Variants in DIP2C observed in about 807,000 individuals in gnomAD.
DIP2C encodes disco-interacting protein 2 homolog C.
A neutral mutation model predicts 192.4 loss-of-function variants in DIP2C; 33 were observed. That is an observed-to-expected ratio of 0.17 (90% CI 0.13 to 0.23). DIP2C has a LOEUF of 0.23. Among genes scored for constraint, DIP2C ranks in the 10% least tolerant of loss-of-function variants. The probability of loss-of-function intolerance (pLI) is 1.00; values close to 1 mark genes in which losing one functional copy is unlikely to be tolerated. For synonymous variants in DIP2C, 979 were observed against 864.1 expected (o/e 1.13, Z -2.33); for missense variants, 1,537 against 2,110.1 (o/e 0.73, Z 5.32).
At chr10:284,724 A>G (rs2132157560) in intron 34 of DIP2C, among the ~76,000 whole-genome samples, 1 of 152,342 alleles carries the variant, frequency 6.6e-6, no homozygotes, top group Non-Finnish European at 1.5e-5. Context: ...TGATAACAGA[A>G]TAGATCCTAA....
chr10:486,263 T>C (rs765086268), intron 2 of DIP2C, among the ~76,000 whole-genome samples, 196 bp downstream of exon 2: 8 of 152,260 alleles, frequency 5.3e-5, no homozygotes, highest in Non-Finnish European at 7.3e-5. Flanking sequence ...GGCACACTTA[T>C]AGAAAAATCC....
chr10:433,426 C>A (rs1966920082), intron 4 of DIP2C, among the ~76,000 whole-genome samples: 1 of 152,094 alleles, frequency 6.6e-6, no homozygotes, highest in Non-Finnish European at 1.5e-5. Flanking sequence ...CCTGTAATCC[C>A]AGCACTTTAG....
At chr10:418,720 C>T (rs1346428136) in intron 6 of DIP2C, among the ~76,000 whole-genome samples, 1 of 152,260 alleles carries the variant, frequency 6.6e-6, no homozygotes, top group Non-Finnish European at 1.5e-5. Flanking sequence ...TTCTAAGTGA[C>T]TGTTCATGGT....
intron 13 of DIP2C, among the ~76,000 whole-genome samples, chr10:388,780 G>A (rs925204971): frequency 3.3e-5 from 5 of 152,240 alleles, no homozygotes; most frequent in Admixed American, 6.5e-5. Flanking sequence ...ACAGCGGAGC[G>A]GCAGATGCCA....
At chr10:685,736 C>T (rs953347294) in intron 1 of DIP2C, among the ~76,000 whole-genome samples, 10 of 151,866 alleles carry the variant, frequency 6.6e-5, no homozygotes, top group African/African-American at 1.5e-4. Flanking sequence ...TCGAGGCGGG[C>T]GGATCACCTG....
rs567591059 is a variant in DIP2C, at chr10:362,735, T to A, written c.2593-44A>T. The stretch of plus-strand genomic sequence containing the variant: ...GGAAATCATGTTATAAGAGGAAGTA[T>A]AAACAGTACGTATTTATATTATGCA... On this transcript the variant is annotated intron_variant, in intron 21 of 36. Coordinates refer to ENST00000280886, the MANE Select transcript of DIP2C (RefSeq NM_014974.3). 36 of 1,558,098 alleles carry A rather than the reference T, an allele frequency of 2.3e-5. No individual in the cohort carries two copies. The African/African-American group carries it at 4.9e-4, about 21-fold the overall frequency.
chr10:283,265 C>T lies in DIP2C; in HGVS notation c.4294+7G>A. The T allele has an allele frequency of 6.2e-7, 1 of 1,613,112 alleles. No homozygotes were observed. Among genetic ancestry groups the T allele is most frequent in the Non-Finnish European group, 8.5e-7 (1 of 1,179,510 alleles). On this transcript the variant is annotated splice_region_variant and intron_variant, in intron 35 of 36. Coordinates refer to ENST00000280886, the MANE Select transcript of DIP2C (RefSeq NM_014974.3). ...GTTGGGGGGGGGCCGCCAGCCTGGA[C>T]TCTCACCTCCATTTGCATCTGTGAG...
At chr10:422,774 C>G in intron 5 of DIP2C, 50 bp downstream of exon 5, 2 of 1,572,938 alleles carry the variant, frequency 1.3e-6, no homozygotes, top group Non-Finnish European at 1.7e-6. Context: ...TGTGCACACA[C>G]AAAGGCGTTT....
chr10:565,354 T>TTAAAAAAA (rs1554737793), intron 1 of DIP2C, among the ~76,000 whole-genome samples: 5 of 114,136 alleles, frequency 4.4e-5, no homozygotes, highest in African/African-American at 1.9e-4. Flanking sequence ...ACCTGCATTC[T>TTAAAAAAA]AAAAAAAAAA....
chr10:512,541 C>T (rs1564807045), intron 1 of DIP2C, among the ~76,000 whole-genome samples: 1 of 152,092 alleles, frequency 6.6e-6, no homozygotes, highest in Non-Finnish European at 1.5e-5. Context: ...CCAAGATTTG[C>T]GTTGCTGCAC....
At chr10:434,461 C>A (rs1055821192) in intron 4 of DIP2C, among the ~76,000 whole-genome samples, 2 of 152,232 alleles carry the variant, frequency 1.3e-5, no homozygotes, top group Middle Eastern at 3.4e-3. Context: ...TTTTAAGAGA[C>A]AGAGTCTCAC....
At chr10:442,165 T>C (rs1967792944) in intron 3 of DIP2C, among the ~76,000 whole-genome samples, 1 of 152,078 alleles carries the variant, frequency 6.6e-6, no homozygotes, top group Admixed American at 6.6e-5. Context: ...TGAAGACGGG[T>C]TGGGGGAAAG....
chr10:378,892 C>T (rs1390999017), intron 17 of DIP2C, among the ~76,000 whole-genome samples: 2 of 152,226 alleles, frequency 1.3e-5, no homozygotes, highest in Admixed American at 6.5e-5. Context: ...TGAACACAGA[C>T]ATGCATAAAG....
At position 636,547 on chromosome 10, in the gene DIP2C, G is replaced by A. The variant is rs1451834679; in HGVS notation, c.85+52947C>T. 1.3e-5 allele frequency among the ~76,000 whole-genome samples: 2 copies of A among 152,150 alleles called. No homozygotes were observed. The highest frequency in any genetic ancestry group is 1.5e-5 in the Non-Finnish European group (1 of 68,034). ...TAAGAATAAAGGACCCTCTGCAGCCGCAGAACCATCATCGGCAGACAAGAA... is the reference window on the plus strand; with the variant it reads ...TAAGAATAAAGGACCCTCTGCAGCCACAGAACCATCATCGGCAGACAAGAA... On this transcript the variant is annotated intron_variant, in intron 1 of 36. Coordinates refer to ENST00000280886, the MANE Select transcript of DIP2C (RefSeq NM_014974.3). The surrounding 1 kb of genome is among the most constrained non-coding windows in gnomAD (Gnocchi z 4.6).
chr10:555,975 G>A (rs1588453235), intron 1 of DIP2C, among the ~76,000 whole-genome samples: 1 of 152,148 alleles, frequency 6.6e-6, no homozygotes, highest in Middle Eastern at 3.4e-3. Context: ...TCCTGACCCT[G>A]CCCCCAACAC....
chr10:501,942 T>G (rs1354812002), intron 1 of DIP2C, among the ~76,000 whole-genome samples: 1 of 152,012 alleles, frequency 6.6e-6, no homozygotes, highest in Admixed American at 6.6e-5. Flanking sequence ...CCCAGGAGTC[T>G]AAGACCAGCC....
chr10:684,476 C>T (rs1236020812), intron 1 of DIP2C, among the ~76,000 whole-genome samples: 3 of 152,160 alleles, frequency 2.0e-5, no homozygotes, highest in Non-Finnish European at 2.9e-5. Flanking sequence ...AGCTTTCCCA[C>T]GTTTGTTTTT....
intron 1 of DIP2C, among the ~76,000 whole-genome samples, chr10:673,767 C>T (rs1056905762): frequency 6.6e-6 from 1 of 152,182 alleles, no homozygotes; most frequent in Non-Finnish European, 1.5e-5. Flanking sequence ...CTGTGTCAAA[C>T]ACTAAACCTA....
rs1202396867 is a variant in DIP2C at position 391,029 on chromosome 10, ATGGCCTCAG to A, written c.1261-175_1261-167del. On this transcript the variant is annotated intron_variant, in intron 10 of 36. Transcript: ENST00000280886. Reference sequence around the variant, plus strand: ...TGGGACCCTGAACAGGTGAGACTGCATGGCCTCAGTGTCCTCACGTGTAAAACAGGTATA... The same window carrying A: ...TGGGACCCTGAACAGGTGAGACTGCATGTCCTCACGTGTAAAACAGGTATA... Among the ~76,000 whole-genome samples, 5 of 152,260 alleles carry A rather than the reference ATGGCCTCAG, an allele frequency of 3.3e-5. No homozygotes were observed. The East Asian group carries it at 9.7e-4, about 29-fold the overall frequency.
Sources: allele counts gnomAD v4.1 joint callset (sites outside exome capture counted in the v4.1 genomes callset), GRCh38; gene constraint gnomAD v4.1.1; non-coding constraint Gnocchi (gnomAD v3.1); transcripts MANE v1.5; gene names NCBI Gene and HGNC (gene_info 2026-07-23, HGNC 2026-07-21).